The following ABCB5 variants were observed in gnomAD, a reference collection of about 807,000 sequenced individuals.
ABCB5 encodes the protein ATP binding cassette subfamily B member 5.
Under a neutral mutation model 144.2 loss-of-function variants are expected in ABCB5, and 155 were observed. That is an observed-to-expected ratio of 1.08 (90% confidence interval 0.94 to 1.23). The LOEUF (loss-of-function observed/expected upper bound fraction) is 1.23, where lower values mean the gene tolerates loss of function less well. Ranked by LOEUF, ABCB5 falls within the 50% of genes most tolerant of loss-of-function variation. The pLI, the probability that ABCB5 is intolerant of heterozygous loss-of-function variation, is 0.00. For synonymous variants in ABCB5, 610 were observed against 528.6 expected (o/e 1.15, Z -2.11); for missense variants, 1,830 against 1,520.8 (o/e 1.20, Z -3.38).
chr7:20,628,411 A>G (rs865926429), intron 3 of ABCB5, among the ~76,000 whole-genome samples: 19 of 152,106 alleles, frequency 1.2e-4, no homozygotes, highest in African/African-American at 4.1e-4. Context: ...TCTATCATTG[A>G]TAGATATTTG....
intron 20 of ABCB5, among the ~76,000 whole-genome samples, chr7:20,712,231 A>G: frequency 6.9e-6 from 1 of 144,982 alleles, no homozygotes; most frequent in South Asian, 2.2e-4. Context: ...TTTTCAACCA[A>G]GAATTTGTCA....
chr7:20,717,820 T>TATCTATAA (rs1253856442), intron 20 of ABCB5, among the ~76,000 whole-genome samples: 1 of 150,084 alleles, frequency 6.7e-6, no homozygotes, highest in Non-Finnish European at 1.5e-5. Flanking sequence ...ATTATCCCTG[T>TATCTATAA]ATCTATAATT....
At chr7:20,637,281 T>A (rs1784179568) in intron 5 of ABCB5, among the ~76,000 whole-genome samples, 1 of 152,218 alleles carries the variant, frequency 6.6e-6, no homozygotes, top group Admixed American at 6.5e-5. Flanking sequence ...TCTATGCCCC[T>A]GTCTAATTTC....
intron 5 of ABCB5, among the ~76,000 whole-genome samples, chr7:20,636,329 G>C (rs1444711616): frequency 6.6e-6 from 1 of 151,764 alleles, no homozygotes; most frequent in Non-Finnish European, 1.5e-5. Flanking sequence ...TTTAATAGGA[G>C]CATCCATTTA....
intron 13 of ABCB5, among the ~76,000 whole-genome samples, chr7:20,656,502 A>G (rs551995113): frequency 6.7e-6 from 1 of 150,354 alleles, no homozygotes; most frequent in Non-Finnish European, 1.5e-5. Flanking sequence ...CAATACATAT[A>G]TTGAAAATAT....
At chr7:20,701,931 T>A (rs1434241556) in intron 19 of ABCB5, among the ~76,000 whole-genome samples, 1 of 152,238 alleles carries the variant, frequency 6.6e-6, no homozygotes, top group East Asian at 1.9e-4. Flanking sequence ...TTGTCTATAG[T>A]AAGGGAAGCC....
chr7:20,749,395 ATTTT>A (rs34687757), intron 26 of ABCB5, among the ~76,000 whole-genome samples: 7 of 81,932 alleles, frequency 8.5e-5, no homozygotes, highest in African/African-American at 2.3e-4. Context: ...TGCCTGCCTA[ATTTT>A]TTTTTTTTTT....
intron 20 of ABCB5, among the ~76,000 whole-genome samples, chr7:20,709,937 T>A (rs1786965315): frequency 6.8e-6 from 1 of 147,368 alleles, no homozygotes. Context: ...TAGCTGGGTG[T>A]GGTGGTGGGT....
At chr7:20,734,567 C>T (rs1183616305) in intron 23 of ABCB5, among the ~76,000 whole-genome samples, 1 of 151,250 alleles carries the variant, frequency 6.6e-6, no homozygotes, top group African/African-American at 2.4e-5. Context: ...GGGAGATACA[C>T]AAAGGGAGTT....
In ABCB5 at chr7:20,753,293, G is replaced by A. The variant is rs149382496; in HGVS notation, c.3430-67G>A. ...AATTTGAAATATTTAGATGGTTCTC[G>A]CCCACAGTTGCCATGCTAATTTAAA... is the stretch of plus-strand genomic sequence containing the variant. On this transcript the variant is annotated intron_variant, in intron 26 of 27. Coordinates refer to ENST00000404938, the MANE Select transcript of ABCB5 (RefSeq NM_001163941.2). 9.4e-5 allele frequency: 145 copies of A among 1,537,730 alleles called. No homozygotes were observed. The East Asian group carries it at 2.9e-3, about 31-fold the overall frequency.
chr7:20,746,852 T>A (rs932052637), intron 26 of ABCB5, among the ~76,000 whole-genome samples: 3 of 152,204 alleles, frequency 2.0e-5, no homozygotes, highest in African/African-American at 7.2e-5. Context: ...TTTCTACATG[T>A]GATTTTTATA....
chr7:20,668,567 A>G (rs1209870675), intron 14 of ABCB5, among the ~76,000 whole-genome samples: 1 of 149,162 alleles, frequency 6.7e-6, no homozygotes. Context: ...TCCGCCCGGC[A>G]GCCACCCCGT....
At chr7:20,710,059 T>G (rs1583441279) in intron 20 of ABCB5, among the ~76,000 whole-genome samples, 1 of 126,438 alleles carries the variant, frequency 7.9e-6, no homozygotes, top group African/African-American at 2.9e-5. Flanking sequence ...AGCAAGACTC[T>G]AAAAAAAAAA....
intron 3 of ABCB5, among the ~76,000 whole-genome samples, chr7:20,628,151 C>T (rs761736720): frequency 3.3e-5 from 5 of 152,110 alleles, no homozygotes; most frequent in Non-Finnish European, 7.3e-5. Flanking sequence ...AATACTATCC[C>T]TCCCCCAGCC....
intron 20 of ABCB5, among the ~76,000 whole-genome samples, chr7:20,706,120 AC>A (rs1786813577): frequency 6.6e-6 from 1 of 152,162 alleles, no homozygotes; most frequent in Non-Finnish European, 1.5e-5. Flanking sequence ...ATAGAATTTC[AC>A]TTAATAATCA....
At chr7:20,753,558 A>G (rs778843114) in intron 27 of ABCB5, 52 bp downstream of exon 27, 5 of 1,561,786 alleles carry the variant, frequency 3.2e-6, no homozygotes, top group Middle Eastern at 1.7e-4. Context: ...TAAGCATCCA[A>G]TAACATGGAG....
chr7:20,738,825 A>AT (rs1194441487), intron 23 of ABCB5, among the ~76,000 whole-genome samples, 158 bp from the exon 24 acceptor site: 1 of 152,206 alleles, frequency 6.6e-6, no homozygotes, highest in Admixed American at 6.5e-5. Flanking sequence ...CATGGTAGAA[A>AT]TTTTTTAAAG....
rs869158355 is a variant in ABCB5 at position 20,681,058 on chromosome 7, CTCTTTCTTTCTTTCTTTCTTTCTT to C, written c.1708-401_1708-378del. On this transcript the variant is annotated intron_variant, in intron 14 of 27. Transcript: ENST00000404938. Reference sequence around the variant, plus strand: ...TCTCTTTCTTTCTTTCTCTCTCTCTCTCTTTCTTTCTTTCTTTCTTTCTTTCTTTCTTTCTTTCTTTCTTTCTTT... The same window carrying C: ...TCTCTTTCTTTCTTTCTCTCTCTCTCTCTTTCTTTCTTTCTTTCTTTCTTT... 5.0e-4 allele frequency among the ~76,000 whole-genome samples: 24 copies of C among 47,582 alleles called. 1 individual carries two copies. Among genetic ancestry groups the C allele is most frequent in the Admixed American group, 2.4e-3 (8 of 3,398 alleles). 31.2% of individuals were successfully genotyped at this position (47,582 alleles called of 152,430 possible).
At chr7:20,658,036 C>T (rs7806753) in intron 13 of ABCB5, among the ~76,000 whole-genome samples, 4 of 151,820 alleles carry the variant, frequency 2.6e-5, no homozygotes, top group South Asian at 2.1e-4. Context: ...ATGGAAAAAA[C>T]GTTTTAGGGG....
Sources: allele counts gnomAD v4.1 joint callset (sites outside exome capture counted in the v4.1 genomes callset), GRCh38; gene constraint gnomAD v4.1.1; transcripts MANE v1.5; gene names NCBI Gene and HGNC (gene_info 2026-07-23, HGNC 2026-07-21).